The following SNTG1 variants were observed in gnomAD, a reference collection of about 807,000 sequenced individuals.
SNTG1 encodes the protein syntrophin gamma 1, also known as gamma-1-syntrophin.
A neutral mutation model predicts 74.7 loss-of-function variants in SNTG1; 39 were observed. The observed-to-expected ratio is 0.52, with a 90% confidence interval of 0.40 to 0.68. The LOEUF is 0.68. SNTG1 is among the 30% of genes least tolerant of loss of function. The pLI, the probability that SNTG1 is intolerant of heterozygous loss-of-function variation, is 0.00. For synonymous variants in SNTG1, 254 were observed against 217.1 expected (o/e 1.17, Z -1.49); for missense variants, 685 against 609.5 (o/e 1.12, Z -1.30).
intron 4 of SNTG1, among the ~76,000 whole-genome samples, chr8:50,422,499 G>C (rs1023955088): frequency 2.0e-5 from 3 of 152,126 alleles, no homozygotes; most frequent in Non-Finnish European, 4.4e-5. Flanking sequence ...CAGTATTGCA[G>C]TAAATAAAGA....
chr8:50,760,988 A>G (rs1358752228), intron 18 of SNTG1, among the ~76,000 whole-genome samples: 2 of 152,002 alleles, frequency 1.3e-5, no homozygotes, highest in African/African-American at 4.8e-5. Context: ...ATTCCAAACA[A>G]TAGAAAAAGA....
At chr8:50,292,986 G>A (rs2089190824) in intron 2 of SNTG1, among the ~76,000 whole-genome samples, 2 of 152,082 alleles carry the variant, frequency 1.3e-5, no homozygotes, top group Admixed American at 1.3e-4. Flanking sequence ...AGTGGGTTCT[G>A]GCCTTGGAAG....
At chr8:50,780,976 A>G (rs1249672910) in intron 18 of SNTG1, among the ~76,000 whole-genome samples, 2 of 152,168 alleles carry the variant, frequency 1.3e-5, no homozygotes, top group Non-Finnish European at 2.9e-5. Flanking sequence ...GTAGTCATTC[A>G]GGAGCAGGTT....
At chr8:50,417,900 A>G (rs938337299) in intron 4 of SNTG1, among the ~76,000 whole-genome samples, 2 of 152,024 alleles carry the variant, frequency 1.3e-5, no homozygotes, top group East Asian at 1.9e-4. Context: ...CCACCCTTGC[A>G]TGCATCTTCA....
chr8:50,185,033 A>C (rs1219530628), intron 2 of SNTG1, among the ~76,000 whole-genome samples: 1 of 152,184 alleles, frequency 6.6e-6, no homozygotes, highest in African/African-American at 2.4e-5. Context: ...AAGATGACAA[A>C]TGTCTTCACA....
At chr8:50,623,834 A>G (rs1014794156) in intron 13 of SNTG1, among the ~76,000 whole-genome samples, 1 of 151,984 alleles carries the variant, frequency 6.6e-6, no homozygotes, top group African/African-American at 2.4e-5. Context: ...TTTTGTTTAT[A>G]TCATATGTAA....
intron 1 of SNTG1, among the ~76,000 whole-genome samples, chr8:49,913,093 T>G (rs1805719148): frequency 1.3e-5 from 2 of 152,218 alleles, no homozygotes; most frequent in African/African-American, 4.8e-5. Flanking sequence ...GCATTCTGCT[T>G]TAATAAAAAG....
At chr8:50,279,830 G>A (rs1563837281) in intron 2 of SNTG1, among the ~76,000 whole-genome samples, 1 of 152,228 alleles carries the variant, frequency 6.6e-6, no homozygotes, top group East Asian at 1.9e-4. Context: ...GAAATAGCCA[G>A]GAAAAGTACA....
At chr8:50,080,337 A>G (rs1822291915) in intron 1 of SNTG1, among the ~76,000 whole-genome samples, 1 of 152,092 alleles carries the variant, frequency 6.6e-6, no homozygotes, top group Non-Finnish European at 1.5e-5. Context: ...TTTAATTTCA[A>G]TCTTTTTATG....
chr8:50,758,254 T>A (rs1206746229), intron 18 of SNTG1, among the ~76,000 whole-genome samples: 2 of 151,954 alleles, frequency 1.3e-5, no homozygotes, highest in East Asian at 3.9e-4. Flanking sequence ...CACCTGGTCA[T>A]GCTTGCCCTA....
At chr8:50,520,420 C>T (rs2094169871) in intron 9 of SNTG1, among the ~76,000 whole-genome samples, 1 of 152,120 alleles carries the variant, frequency 6.6e-6, no homozygotes, top group Non-Finnish European at 1.5e-5. Context: ...GCAATGGCAA[C>T]AAAAGCCAAA....
intron 2 of SNTG1, among the ~76,000 whole-genome samples, chr8:50,269,462 G>A (rs960605709): frequency 1.3e-5 from 2 of 152,028 alleles, no homozygotes; most frequent in African/African-American, 4.8e-5. Flanking sequence ...GTTACCACTC[G>A]GGGAAATGCT....
chr8:50,716,896 C>T (rs2095476418), intron 17 of SNTG1, among the ~76,000 whole-genome samples: 1 of 151,356 alleles, frequency 6.6e-6, no homozygotes, highest in Non-Finnish European at 1.5e-5. Context: ...CCATGCCCGG[C>T]TAATTTTTTT....
intron 9 of SNTG1, among the ~76,000 whole-genome samples, chr8:50,510,252 C>A (rs191556949): frequency 6.6e-5 from 10 of 152,082 alleles, no homozygotes; most frequent in African/African-American, 1.7e-4. Flanking sequence ...GCCTTGCATC[C>A]CAGGGATGAA....
chr8:50,426,806 GA>G (rs565847549), intron 4 of SNTG1, among the ~76,000 whole-genome samples: 5 of 151,500 alleles, frequency 3.3e-5, no homozygotes, highest in African/African-American at 4.8e-5. Flanking sequence ...AAATATTTGG[GA>G]AAAAAATACA....
chr8:50,411,264 C>T (rs570282660), intron 4 of SNTG1, among the ~76,000 whole-genome samples: 3 of 151,880 alleles, frequency 2.0e-5, no homozygotes, highest in South Asian at 2.1e-4. Context: ...CTGGCTAACA[C>T]GGTGAAACCC....
At chr8:50,575,055 T>C (rs2094569433) in intron 12 of SNTG1, among the ~76,000 whole-genome samples, 1 of 152,206 alleles carries the variant, frequency 6.6e-6, no homozygotes, top group Non-Finnish European at 1.5e-5. Flanking sequence ...TGTCCTTTTC[T>C]GTTTGGTCAT....
chr8:50,223,026 A>C (rs1338870729), intron 2 of SNTG1, among the ~76,000 whole-genome samples: 2 of 152,192 alleles, frequency 1.3e-5, no homozygotes, highest in Non-Finnish European at 2.9e-5. Flanking sequence ...AATTGGAGTT[A>C]TTAGAAAGAC....
chr8:50,499,690 C>T (rs949502782), intron 8 of SNTG1, among the ~76,000 whole-genome samples: 1 of 151,388 alleles, frequency 6.6e-6, no homozygotes, highest in African/African-American at 2.4e-5. Context: ...CTTCCCTATG[C>T]CAGTTTGAGG....
Sources: allele counts gnomAD v4.1 joint callset (sites outside exome capture counted in the v4.1 genomes callset), GRCh38; gene constraint gnomAD v4.1.1; transcripts MANE v1.5; gene names NCBI Gene and HGNC (gene_info 2026-07-23, HGNC 2026-07-21).